CFAP54: variants seen among roughly 807,000 people sequenced by gnomAD.
CFAP54 encodes the protein cilia- and flagella-associated protein 54.
Under a neutral mutation model 370.4 loss-of-function variants are expected in CFAP54, and 290 were observed. The observed-to-expected ratio is 0.78, with a 90% CI of 0.71 to 0.86. The LOEUF is 0.86. CFAP54 is among the 40% of genes least tolerant of loss of function. CFAP54 has a pLI of 0.00. For synonymous variants in CFAP54, 1,206 were observed against 1,236.5 expected (o/e 0.98, Z 0.52); for missense variants, 3,399 against 3,528.7 (o/e 0.96, Z 0.93).
At chr12:96,593,751 G>A (rs2136436583) in intron 24 of CFAP54, among the ~76,000 whole-genome samples, 1 of 151,866 alleles carries the variant, frequency 6.6e-6, no homozygotes, top group South Asian at 2.1e-4. Flanking sequence ...AGTAAGAAAG[G>A]CTAACTATTC....
chr12:96,489,908 A>G lies in CFAP54; in HGVS notation c.299A>G (p.His100Arg), dbSNP rs1330914354. Reference sequence around the variant, plus strand: ...TTAGCCACCACGGAGGAAGAGAAGCACGAATTCCGCCGGCGTTGGTAAGCG... The same window carrying G: ...TTAGCCACCACGGAGGAAGAGAAGCGCGAATTCCGCCGGCGTTGGTAAGCG... ...KALATTEEEK[H>R]EFRRRCATSL... Residue 100 changes from histidine (H) to arginine (R), a missense_variant, in exon 1 of 68, where the codon CAC becomes CGC. His to Arg is a conservative substitution (Grantham distance 29, BLOSUM62 0). This residue lies in a region of CFAP54 where 559 missense variants were observed against 576.7 expected (regional missense o/e 0.97). Transcript: ENST00000524981. The G allele has an allele frequency of 4.6e-6, 7 of 1,531,974 alleles. No homozygotes were observed. The highest frequency in any genetic ancestry group is 6.1e-6 in the Non-Finnish European group (7 of 1,143,860). The allele number at this position is 1,531,974 out of a possible 1,614,324, so 94.9% of individuals were successfully genotyped here.
intron 32 of CFAP54, 128 bp from the exon 33 acceptor site, chr12:96,644,050 G>A: frequency 1.5e-6 from 1 of 675,246 alleles, no homozygotes; most frequent in Non-Finnish European, 2.5e-6. Flanking sequence ...TGATAAATAA[G>A]CCAGAAACAT....
intron 8 of CFAP54, among the ~76,000 whole-genome samples, chr12:96,524,455 T>C (rs1183138668): frequency 6.6e-6 from 1 of 152,214 alleles, no homozygotes; most frequent in Non-Finnish European, 1.5e-5. Context: ...ATTGTTTATT[T>C]ATTTTTTATT....
chr12:96,606,218 G>A (rs1956298877), intron 26 of CFAP54, among the ~76,000 whole-genome samples: 1 of 152,206 alleles, frequency 6.6e-6, no homozygotes, highest in Non-Finnish European at 1.5e-5. Flanking sequence ...AGATGGAGGA[G>A]GAACAGCTTT....
chr12:96,691,881 TA>T (rs941784192), intron 44 of CFAP54, among the ~76,000 whole-genome samples: 35 of 152,218 alleles, frequency 2.3e-4, no homozygotes, highest in African/African-American at 6.3e-4. Context: ...CTGGTTGCAT[TA>T]AAAAAATTAG....
At chr12:96,856,845 C>G (rs1381711182) in intron 66 of CFAP54, among the ~76,000 whole-genome samples, 1 of 152,202 alleles carries the variant, frequency 6.6e-6, no homozygotes, top group Non-Finnish European at 1.5e-5. Flanking sequence ...ATCTTTACAA[C>G]AGTACCCCAC....
At chr12:96,721,641 A>G (rs1391294432) in intron 50 of CFAP54, among the ~76,000 whole-genome samples, 1 of 152,242 alleles carries the variant, frequency 6.6e-6, no homozygotes, top group Non-Finnish European at 1.5e-5. Context: ...CTAATAATGC[A>G]TACATTTCTT....
Position 96,554,190 on chromosome 12 carries a change from T to C in CFAP54, c.2163T>C (p.Pro721=), listed in dbSNP as rs896904101. The part of the protein sequence containing the change: ...TEILPILQKN[P]VEQLLFAYKL... ...TTATAAAATTATTTTAGAAAAATCC[T>C]GTGGAACAGTTACTTTTTGCTTATA... Residue 721 remains proline (P), a synonymous_variant, in exon 16 of 68, where the codon CCT becomes CCC. Transcript: ENST00000524981. 6 of 1,501,248 alleles carry C rather than the reference T, an allele frequency of 4.0e-6. No homozygotes were observed. The highest frequency in any genetic ancestry group is 5.3e-6 in the Non-Finnish European group (6 of 1,132,310). 93.0% of individuals were successfully genotyped at this position (1,501,248 alleles called of 1,614,324 possible).
Position 96,540,995 on chromosome 12 carries a change from G to A in CFAP54, c.2077+8G>A. 6.8e-7 allele frequency: 1 copy of A among 1,480,930 alleles called. No homozygotes were observed. The allele number at this position is 1,480,930 out of a possible 1,614,324, so 91.7% of individuals were successfully genotyped here. A position where few individuals can be genotyped will look rare whatever the true frequency, so the allele number is the denominator to read the frequency against. On this transcript the variant is annotated splice_region_variant and intron_variant, in intron 14 of 67. Coordinates refer to ENST00000524981, the MANE Select transcript of CFAP54 (RefSeq NM_001306084.2). ...AATTTAAACAATCTCTAGGTAAAATGTTGGCTGAAAAATTGTATACATATA... is the reference window on the plus strand; with the variant it reads ...AATTTAAACAATCTCTAGGTAAAATATTGGCTGAAAAATTGTATACATATA...
In CFAP54 at chr12:96,501,648, C is replaced by T. The variant is rs561765189; in HGVS notation, c.423+709C>T. Among the ~76,000 whole-genome samples, 4 of 152,288 alleles carry T rather than the reference C, an allele frequency of 2.6e-5. No individual in the cohort carries two copies. The South Asian group carries it at 8.3e-4, about 32-fold the overall frequency. Reference sequence around the variant, plus strand: ...TATTCTAAGTTATGTGAACGTCAGACAATGGGATCTTAGGCCAGCCGTGGG... The same window carrying T: ...TATTCTAAGTTATGTGAACGTCAGATAATGGGATCTTAGGCCAGCCGTGGG... On this transcript the variant is annotated intron_variant, in intron 2 of 67. Transcript: ENST00000524981.
intron 25 of CFAP54, among the ~76,000 whole-genome samples, chr12:96,597,570 C>T (rs1021732180): frequency 6.6e-5 from 10 of 151,680 alleles, no homozygotes; most frequent in Non-Finnish European, 1.2e-4. Context: ...CTAGAAAAGG[C>T]TGAGTAAATA....
chr12:96,515,821 C>T (rs1052390917), intron 5 of CFAP54, among the ~76,000 whole-genome samples: 3 of 151,726 alleles, frequency 2.0e-5, no homozygotes, highest in Admixed American at 1.3e-4. Flanking sequence ...GAATGCCTAC[C>T]GTCATCAAGT....
chr12:96,709,132 T>G (rs1957580989), intron 48 of CFAP54, among the ~76,000 whole-genome samples: 1 of 152,224 alleles, frequency 6.6e-6, no homozygotes, highest in African/African-American at 2.4e-5. Context: ...TTCACTGAAA[T>G]CACTCCAAGT....
chr12:96,647,993 A>C lies in CFAP54; in HGVS notation c.4666A>C (p.Lys1556Gln), dbSNP rs761547872. The change falls in exon 34 of 68, where the codon AAA becomes CAA. Residue 1556 changes from lysine to glutamine, a missense_variant. Lys to Gln is a moderately conservative substitution (Grantham distance 53). This residue lies in a region of CFAP54 where 2,796 missense variants were observed against 2,869.7 expected (regional missense o/e 0.97). Coordinates refer to ENST00000524981, the MANE Select transcript of CFAP54 (RefSeq NM_001306084.2). The part of the protein sequence containing the change: ...AMLDFLLTAK[K>Q]RKANLPSDAE... ...GCTTGATTTCCTTCTTACAGCCAAA[A>C]AAAGAAAGGCCAACTTACCATCAGG... is the stretch of plus-strand genomic sequence containing the variant. 1 of 1,507,404 alleles carries C rather than the reference A, an allele frequency of 6.6e-7. No homozygotes were observed. Among genetic ancestry groups the C allele is most frequent in the South Asian group, 1.3e-5 (1 of 77,538 alleles). The allele number at this position is 1,507,404 out of a possible 1,614,324, so 93.4% of individuals were successfully genotyped here. A position where few individuals can be genotyped will look rare whatever the true frequency, so the allele number is the denominator to read the frequency against.
At chr12:96,536,456 T>C (rs1955504306) in intron 12 of CFAP54, among the ~76,000 whole-genome samples, 1 of 152,182 alleles carries the variant, frequency 6.6e-6, no homozygotes, top group Non-Finnish European at 1.5e-5. Flanking sequence ...TCATTTCTTC[T>C]GGGTTTGTCA....
In CFAP54 at chr12:96,598,684, A is replaced by G; in HGVS notation, c.3556A>G (p.Ser1186Gly). The G allele has an allele frequency of 7.4e-6, 5 of 680,164 alleles. No individual in the cohort carries two copies. In the Middle Eastern group the frequency reaches 9.3e-4, roughly 127 times the overall value. The allele number at this position is 680,164 out of a possible 1,614,324, so 42.1% of individuals were successfully genotyped here. A position where few individuals can be genotyped will look rare whatever the true frequency, so the allele number is the denominator to read the frequency against. The change falls in exon 26 of 68, where the codon AGT becomes GGT. Residue 1186 changes from serine to glycine, a missense_variant. This residue lies in a region of CFAP54 where 2,796 missense variants were observed against 2,869.7 expected (regional missense o/e 0.97). Coordinates refer to ENST00000524981, the MANE Select transcript of CFAP54 (RefSeq NM_001306084.2). ...KCIVVLQGLPSIVCSKKHTAS... is the reference protein window; with the variant it reads ...KCIVVLQGLPGIVCSKKHTAS... ...TATAGTGGTTTTGCAAGGACTACCA[A>G]GTATTGTCTGCTCGAAGAAACATAC...
At chr12:96,801,979 C>T (rs1468477349) in intron 63 of CFAP54, among the ~76,000 whole-genome samples, 4 of 152,064 alleles carry the variant, frequency 2.6e-5, no homozygotes, top group Non-Finnish European at 4.4e-5. Flanking sequence ...GAGAAGTGAG[C>T]GGACCACACT....
chr12:96,743,617 A>G, intron 53 of CFAP54, 58 bp downstream of exon 53: 1 of 1,603,318 alleles, frequency 6.2e-7, no homozygotes. Flanking sequence ...TTAGAACAAA[A>G]GGAGAGAATT....
intron 1 of CFAP54, among the ~76,000 whole-genome samples, chr12:96,499,343 T>C (rs1200794113): frequency 6.6e-6 from 1 of 152,036 alleles, no homozygotes; most frequent in African/African-American, 2.4e-5. Flanking sequence ...GACATACAGA[T>C]GGCAAATAAA....
Sources: allele counts gnomAD v4.1 joint callset (sites outside exome capture counted in the v4.1 genomes callset), GRCh38; gene constraint gnomAD v4.1.1; regional missense constraint gnomAD v4.1.1; transcripts MANE v1.5; gene names NCBI Gene and HGNC (gene_info 2026-07-23, HGNC 2026-07-21).